Variants in MTX3 observed in about 807,000 individuals in gnomAD.
The protein encoded by MTX3 is metaxin 3.
MTX3 carries 27 observed loss-of-function variants against 42.5 expected under a neutral mutation model. That is an observed-to-expected ratio of 0.64 (90% CI 0.47 to 0.88). The LOEUF (loss-of-function observed/expected upper bound fraction) is 0.88. MTX3 is among the 40% of genes least tolerant of loss of function. The probability of loss-of-function intolerance (pLI) is 0.00; values close to 1 mark genes in which losing one functional copy is unlikely to be tolerated. For synonymous variants in MTX3, 144 were observed against 132.9 expected (o/e 1.08, Z -0.57); for missense variants, 378 against 367.0 (o/e 1.03, Z -0.25).
intron 2 of MTX3, 118 bp downstream of exon 2, chr5:79,990,476 G>T: frequency 1.4e-6 from 1 of 740,496 alleles, no homozygotes; most frequent in Non-Finnish European, 2.2e-6. Context: ...AAACAACACA[G>T]AGCCAAGGTC....
At chr5:79,987,690 G>A (rs1831529943) in intron 6 of MTX3, among the ~76,000 whole-genome samples, 1 of 152,148 alleles carries the variant, frequency 6.6e-6, no homozygotes, top group Non-Finnish European at 1.5e-5. Context: ...ACAAATGTTA[G>A]ACTGGAGGCA....
intron 8 of MTX3, among the ~76,000 whole-genome samples, chr5:79,985,040 G>A (rs1001748924): frequency 6.6e-6 from 1 of 152,000 alleles, no homozygotes; most frequent in African/African-American, 2.4e-5. Context: ...GGAGTGCAGT[G>A]GCACGATCTC....
chr5:79,990,517 GCTATATA>G, intron 2 of MTX3, 70 bp downstream of exon 2: 2 of 932,634 alleles, frequency 2.1e-6, no homozygotes, highest in Non-Finnish European at 3.2e-6. Flanking sequence ...CAATATTATA[GCTATATA>G]CCTCACAGCT....
chr5:79,976,932 C>T lies in MTX3; in HGVS notation c.*6752G>A, dbSNP rs1458439951. 6.6e-6 allele frequency: 1 copy of T among 152,496 alleles called. No homozygotes were observed. Among genetic ancestry groups the T allele is most frequent in the Non-Finnish European group, 1.5e-5 (1 of 68,028 alleles). 9.4% of individuals were successfully genotyped at this position (152,496 alleles called of 1,614,324 possible). A position where few individuals can be genotyped will look rare whatever the true frequency, so the allele number is the denominator to read the frequency against. On this transcript the variant is annotated 3_prime_UTR_variant, in exon 9 of 9. Coordinates refer to ENST00000512528, the MANE Select transcript of MTX3 (RefSeq NM_001363818.2). Reference sequence around the variant, plus strand: ...ACATTGCTTACTTTAAGATTGTTTACTTTATAAAGAAGCTAGAGTAGTTGT... The same window carrying T: ...ACATTGCTTACTTTAAGATTGTTTATTTTATAAAGAAGCTAGAGTAGTTGT...
chr5:79,990,128 A>C, intron 3 of MTX3, 32 bp downstream of exon 3: 1 of 1,436,918 alleles, frequency 7.0e-7, no homozygotes, highest in Non-Finnish European at 9.7e-7. Context: ...TCAACAATCT[A>C]CCAATCTACT....
intron 2 of MTX3, 131 bp downstream of exon 2, chr5:79,990,463 C>G: frequency 4.2e-6 from 3 of 714,618 alleles, no homozygotes; most frequent in Non-Finnish European, 6.9e-6. Context: ...ATGATCAAAC[C>G]ATAAACAACA....
rs1398612008 is a variant in MTX3 at position 79,986,930 on chromosome 5, C to T, written c.739+20G>A. ...AGGAGAATATGCAAACAAACATTAGCTGAAAAAGAGCCAGCTTACCTCCAA... is the reference window on the plus strand; with the variant it reads ...AGGAGAATATGCAAACAAACATTAGTTGAAAAAGAGCCAGCTTACCTCCAA... On this transcript the variant is annotated intron_variant, in intron 7 of 8. Coordinates refer to ENST00000512528, the MANE Select transcript of MTX3 (RefSeq NM_001363818.2). 1.2e-6 allele frequency: 2 copies of T among 1,607,112 alleles called. No homozygotes were observed. Among genetic ancestry groups the T allele is most frequent in the Non-Finnish European group, 1.7e-6 (2 of 1,176,904 alleles).
rs762681821 is a variant in MTX3, at chr5:79,988,490, A to C, written c.476T>G (p.Leu159Arg). The change falls in exon 5 of 9, where the codon CTC (leucine) becomes CGC (arginine). Residue 159 changes from leucine to arginine, a missense_variant. Transcript: ENST00000512528. ...RILLTRGQPP[L>R]YHLREVEAQI... is the part of the protein sequence containing the mutation. Reference sequence around the variant, plus strand: ...TGCTTCCACTTCTCGGAGGTGGTAGAGGGGAGGCTGTCCTCTGGTCAGGAG... The same window carrying C: ...TGCTTCCACTTCTCGGAGGTGGTAGCGGGGAGGCTGTCCTCTGGTCAGGAG... 3 of 1,612,176 alleles carry C rather than the reference A, an allele frequency of 1.9e-6. No homozygotes were observed. The South Asian group carries it at 3.3e-5, about 18-fold the overall frequency.
intron 1 of MTX3, 130 bp downstream of exon 1, chr5:79,991,028 C>T: frequency 2.0e-6 from 2 of 991,036 alleles, no homozygotes; most frequent in Non-Finnish European, 3.1e-6. Flanking sequence ...GGAGGGAGCC[C>T]AGGGCAATGC....
At chr5:79,986,857 C>T in intron 7 of MTX3, 93 bp downstream of exon 7, 1 of 1,296,388 alleles carries the variant, frequency 7.7e-7, no homozygotes. Context: ...AGACAATACA[C>T]AAACTTCTAA....
At position 79,978,415 on chromosome 5, in the gene MTX3, C is replaced by T. The variant is rs1015108176; in HGVS notation, c.*5269G>A. The T allele has an allele frequency of 6.6e-6, 1 of 152,136 alleles. No individual in the cohort carries two copies. The highest frequency in any genetic ancestry group is 2.4e-5 in the African/African-American group (1 of 41,380). The allele number at this position is 152,136 out of a possible 1,614,324, so 9.4% of individuals were successfully genotyped here. A position where few individuals can be genotyped will look rare whatever the true frequency, so the allele number is the denominator to read the frequency against. On this transcript the variant is annotated 3_prime_UTR_variant, in exon 9 of 9. Coordinates refer to ENST00000512528, the MANE Select transcript of MTX3 (RefSeq NM_001363818.2). ...AATCAGCCTGGTCAACATGGTGAAA[C>T]CCCATCTCTACTAAAAATACAAAAA...
intron 1 of MTX3, 61 bp from the exon 2 acceptor site, chr5:79,990,724 A>T: frequency 8.1e-7 from 1 of 1,236,718 alleles, no homozygotes; most frequent in Non-Finnish European, 1.2e-6. Flanking sequence ...GCTGCAGAGC[A>T]GCTTTACTTC....
chr5:79,982,445 A>G lies in MTX3; in HGVS notation c.*1239T>C, dbSNP rs995509135. 7 of 456,394 alleles carry G rather than the reference A, an allele frequency of 1.5e-5. No homozygotes were observed. The highest frequency in any genetic ancestry group is 7.1e-5 in the Admixed American group (3 of 42,538). The allele number at this position is 456,394 out of a possible 1,614,324, so 28.3% of individuals were successfully genotyped here. A position where few individuals can be genotyped will look rare whatever the true frequency, so the allele number is the denominator to read the frequency against. On this transcript the variant is annotated 3_prime_UTR_variant, in exon 9 of 9. Transcript: ENST00000512528. Reference sequence around the variant, plus strand: ...ATAAGATTTGCTGAGCACCACAGTAATCTTTTAAGACACTAATCAAAAACA... The same window carrying G: ...ATAAGATTTGCTGAGCACCACAGTAGTCTTTTAAGACACTAATCAAAAACA...
At chr5:79,990,685 A>G (rs1831626210) in intron 1 of MTX3, 22 bp from the exon 2 acceptor site, 1 of 1,587,858 alleles carries the variant, frequency 6.3e-7, no homozygotes, top group South Asian at 1.1e-5. Flanking sequence ...TTTGCAATCA[A>G]ACATTTTAGA....
Position 79,982,558 on chromosome 5 carries a change from A to G in MTX3, c.*1126T>C, listed in dbSNP as rs1266199968. The G allele has an allele frequency of 5.6e-6, 2 of 354,416 alleles. No homozygotes were observed. Among genetic ancestry groups the G allele is most frequent in the African/African-American group, 2.1e-5 (1 of 46,942 alleles). The allele number at this position is 354,416 out of a possible 1,614,324, so 22.0% of individuals were successfully genotyped here. Reference sequence around the variant, plus strand: ...AAATAAGCAAGTTTCTATTATAAGTAAAATTACCACACAGCAAATCCCTTA... The same window carrying G: ...AAATAAGCAAGTTTCTATTATAAGTGAAATTACCACACAGCAAATCCCTTA... On this transcript the variant is annotated 3_prime_UTR_variant, in exon 9 of 9. Transcript: ENST00000512528.
chr5:79,983,489 G>GATT lies in MTX3; in HGVS notation c.*194_*195insAAT. 4 of 563,954 alleles carry GATT rather than the reference G, an allele frequency of 7.1e-6. No individual in the cohort carries two copies. Among genetic ancestry groups the GATT allele is most frequent in the Admixed American group, 3.1e-5 (1 of 32,210 alleles). The allele number at this position is 563,954 out of a possible 1,614,324, so 34.9% of individuals were successfully genotyped here. ...ACCAAGTTCATTTAGCATTCTCTTT[G>GATT]TTATTAAAAATGCAGTGCCAAGCTA... On this transcript the variant is annotated 3_prime_UTR_variant, in exon 9 of 9. Transcript: ENST00000512528.
In MTX3 at chr5:79,978,489, C is replaced by T. The variant is rs1831304442; in HGVS notation, c.*5195G>A. On this transcript the variant is annotated 3_prime_UTR_variant, in exon 9 of 9. Transcript: ENST00000512528. ...CCTGTAATCCCAGTAAATTGGGAGG[C>T]TGAGGCAGGAGAATCGCTTGAACCT... 1 of 152,740 alleles carries T rather than the reference C, an allele frequency of 6.5e-6. No individual in the cohort carries two copies. Among genetic ancestry groups the T allele is most frequent in the Non-Finnish European group, 1.5e-5 (1 of 68,484 alleles). 9.5% of individuals were successfully genotyped at this position (152,740 alleles called of 1,614,324 possible).
In MTX3 at chr5:79,979,484, A is replaced by C. The variant is rs1831325606; in HGVS notation, c.*4200T>G. 6.6e-6 allele frequency: 1 copy of C among 152,274 alleles called. No homozygotes were observed. The highest frequency in any genetic ancestry group is 1.5e-5 in the Non-Finnish European group (1 of 68,048). The allele number at this position is 152,274 out of a possible 1,614,324, so 9.4% of individuals were successfully genotyped here. A position where few individuals can be genotyped will look rare whatever the true frequency, so the allele number is the denominator to read the frequency against. ...AATTATCTCTGTTGCTCAGGATTTC[A>C]GTTATAAAAATAGCCAAATCAAGAC... On this transcript the variant is annotated 3_prime_UTR_variant, in exon 9 of 9. Coordinates refer to ENST00000512528, the MANE Select transcript of MTX3 (RefSeq NM_001363818.2).
rs1831300238 is a variant in MTX3 at position 79,978,326 on chromosome 5, T to C, written c.*5358A>G. The C allele has an allele frequency of 6.6e-6, 1 of 152,226 alleles. No homozygotes were observed. The highest frequency in any genetic ancestry group is 1.5e-5 in the Non-Finnish European group (1 of 68,070). 9.4% of individuals were successfully genotyped at this position (152,226 alleles called of 1,614,324 possible). ...AAATCTGGCCGGGGACAGTGGCTCA[T>C]ACCTATAATTCCAGCACTGTGGGAG... is the stretch of plus-strand genomic sequence containing the variant. On this transcript the variant is annotated 3_prime_UTR_variant, in exon 9 of 9. Transcript: ENST00000512528.
Sources: allele counts gnomAD v4.1 joint callset (sites outside exome capture counted in the v4.1 genomes callset), GRCh38; gene constraint gnomAD v4.1.1; transcripts MANE v1.5; gene names NCBI Gene and HGNC (gene_info 2026-07-23, HGNC 2026-07-21).